Variants in VWF observed in about 807,000 individuals in gnomAD.
VWF encodes von Willebrand factor, also known as Factor VIII related antigen.
A neutral mutation model predicts 308.6 loss-of-function variants in VWF; 176 were observed. That is an observed-to-expected ratio of 0.57 (90% CI 0.50 to 0.65). The LOEUF (loss-of-function observed/expected upper bound fraction) is 0.65. Ranked by LOEUF, VWF falls within the 30% of genes least tolerant of loss-of-function variation. The probability of loss-of-function intolerance (pLI) is 0.00; values close to 1 mark genes in which losing one functional copy is unlikely to be tolerated. For missense variants in VWF, 3,146 were observed against 3,648.2 expected, an observed-to-expected ratio of 0.86 and a Z score of 3.55; for synonymous variants, 1,385 against 1,443.4, an observed-to-expected ratio of 0.96 and a Z score of 0.92.
At chr12:6,083,783 C>T (rs147835897) in intron 6 of VWF, among the ~76,000 whole-genome samples, 1 of 152,274 alleles carries the variant, frequency 6.6e-6, no homozygotes, top group Non-Finnish European at 1.5e-5. Context: ...CTGGGGGCAG[C>T]CATATGACTA....
At chr12:6,082,289 TATG>T (rs1233790072) in intron 6 of VWF, among the ~76,000 whole-genome samples, 1 of 152,230 alleles carries the variant, frequency 6.6e-6, no homozygotes, top group African/African-American at 2.4e-5. Flanking sequence ...TTACATTAAA[TATG>T]ATGAGCTTGT....
intron 47 of VWF, among the ~76,000 whole-genome samples, chr12:5,964,262 A>ACATGCATACATACATGCATACATACATG (rs1555189804): frequency 1.4e-5 from 2 of 141,788 alleles, no homozygotes; most frequent in African/African-American, 5.9e-5. Context: ...ATACATACAT[A>ACATGCATACATACATGCATACATACATG]CATACATACA....
intron 18 of VWF, among the ~76,000 whole-genome samples, chr12:6,038,578 C>T (rs1044980653): frequency 2.6e-5 from 4 of 152,092 alleles, no homozygotes; most frequent in Admixed American, 6.5e-5. Flanking sequence ...CCTCCTCCAG[C>T]GGACAGAACA....
Position 6,072,439 on chromosome 12 carries a change from C to T in VWF, c.1001G>A (p.Gly334Glu), listed in dbSNP as rs932134873. ...GCAGAGGCCTTCATCCAGGAGCTGT[C>T]CCTCTGGGGTCAAGGGCATCAAGAC... Reference protein sequence around the residue: ...RCVDGCSCPEGQLLDEGLCVE... With the variant: ...RCVDGCSCPEEQLLDEGLCVE... The change falls in exon 9 of 52, where the codon GGA becomes GAA. Residue 334 changes from glycine (G) to glutamate (E), a missense_variant. Physicochemically the swap from Gly to Glu is moderately conservative, Grantham distance 98. Around this residue, in one of 3 missense-constraint regions of VWF, gnomAD observed 1,304 missense variants for 1,353.0 expected, o/e 0.96. Transcript: ENST00000261405. 1.2e-5 allele frequency: 19 copies of T among 1,613,792 alleles called. No individual in the cohort carries two copies. The highest frequency in any genetic ancestry group is 1.6e-5 in the Non-Finnish European group (19 of 1,179,914).
intron 5 of VWF, among the ~76,000 whole-genome samples, chr12:6,108,364 C>CACACACACAT (rs1945267796): frequency 1.4e-5 from 2 of 147,420 alleles, no homozygotes; most frequent in Non-Finnish European, 3.0e-5. Context: ...CACACACACA[C>CACACACACAT]ACAAAGCAAA....
intron 17 of VWF, among the ~76,000 whole-genome samples, chr12:6,045,022 G>A (rs1487441698): frequency 6.6e-6 from 1 of 152,130 alleles, no homozygotes; most frequent in East Asian, 1.9e-4. Flanking sequence ...TCCTATATAT[G>A]TTCTTCTCAC....
In VWF at chr12:5,994,556, C is replaced by T; in HGVS notation, c.6115G>A (p.Glu2039Lys). 3 of 1,614,004 alleles carry T rather than the reference C, an allele frequency of 1.9e-6. No homozygotes were observed. Among genetic ancestry groups the T allele is most frequent in the Non-Finnish European group, 2.5e-6 (3 of 1,179,890 alleles). The change falls in exon 36 of 52, where the codon GAA becomes AAA. Residue 2039 changes from glutamate (E) to lysine (K), a missense_variant. By Grantham distance (56) the Glu-to-Lys change is moderately conservative. Around this residue, in one of 3 missense-constraint regions of VWF, gnomAD observed 989 missense variants for 1,117.4 expected, o/e 0.89. Coordinates refer to ENST00000261405, the MANE Select transcript of VWF (RefSeq NM_000552.5). ...VSVPYVGGNM[E>K]VNVYGAIMHE... Reference sequence around the variant, plus strand: ...ATGATGGCACCATAAACGTTGACTTCCATGTTCCCACCCACGTAAGGAACA... The same window carrying T: ...ATGATGGCACCATAAACGTTGACTTTCATGTTCCCACCCACGTAAGGAACA...
intron 22 of VWF, among the ~76,000 whole-genome samples, chr12:6,028,590 G>C (rs190629780): frequency 6.6e-6 from 1 of 151,990 alleles, no homozygotes; most frequent in African/African-American, 2.4e-5. Context: ...CCAGAAGAGA[G>C]GGGGGGACCA....
chr12:6,022,693 T>A, intron 26 of VWF, 47 bp downstream of exon 26: 1 of 355,382 alleles, frequency 2.8e-6, no homozygotes, highest in South Asian at 2.2e-5. Context: ...TTTCCATCCA[T>A]CCCTATCCCA....
Position 5,991,998 on chromosome 12 carries a change from G to C in VWF, c.6619C>G (p.Leu2207Val). ...CCATGCTCACAGTGGTTGTAGACCA[G>C]AGATGGTGGGCATGACATAGCTGTA... ...DFCAMSCPPS[L>V]VYNHCEHGCP... The change falls in exon 38 of 52, where the codon CTG becomes GTG. Residue 2207 changes from leucine to valine, a missense_variant. Leu to Val is a conservative substitution (Grantham distance 32, BLOSUM62 1). Transcript: ENST00000261405. The C allele has an allele frequency of 6.2e-7, 1 of 1,614,196 alleles. No homozygotes were observed. Among genetic ancestry groups the C allele is most frequent in the Non-Finnish European group, 8.5e-7 (1 of 1,180,028 alleles).
At chr12:6,036,939 C>CA (rs200291950) in intron 18 of VWF, among the ~76,000 whole-genome samples, 8 of 150,444 alleles carry the variant, frequency 5.3e-5, no homozygotes, top group South Asian at 4.2e-4. Context: ...TTTATCATTG[C>CA]AAAAAAAAAT....
intron 47 of VWF, among the ~76,000 whole-genome samples, chr12:5,956,295 G>A (rs1172204987): frequency 6.6e-6 from 1 of 152,168 alleles, no homozygotes; most frequent in Non-Finnish European, 1.5e-5. Context: ...AAAGTTAACT[G>A]TAAAACAGCC....
At chr12:6,051,278 CT>C (rs1461852347) in intron 16 of VWF, among the ~76,000 whole-genome samples, 79 of 109,686 alleles carry the variant, frequency 7.2e-4, no homozygotes, top group Admixed American at 2.1e-3. Flanking sequence ...ATCAGGACTT[CT>C]TTTTTTCTTT....
chr12:5,977,211 C>G (rs192017339), intron 42 of VWF, among the ~76,000 whole-genome samples: 2 of 152,162 alleles, frequency 1.3e-5, no homozygotes, highest in Non-Finnish European at 2.9e-5. Flanking sequence ...TATAATTTGA[C>G]CCAGAATCTC....
At chr12:6,068,584 C>T (rs947929412) in intron 10 of VWF, among the ~76,000 whole-genome samples, 7 of 152,098 alleles carry the variant, frequency 4.6e-5, no homozygotes, top group African/African-American at 1.7e-4. Context: ...ATTCTCCTGC[C>T]TCAGCTTCCC....
chr12:5,993,741 G>C, intron 37 of VWF, 121 bp downstream of exon 37: 1 of 847,404 alleles, frequency 1.2e-6, no homozygotes, highest in Non-Finnish European at 1.9e-6. Flanking sequence ...GGAATCCCAG[G>C]TCATACGAAA....
chr12:6,038,401 T>C (rs1230807807), intron 18 of VWF, among the ~76,000 whole-genome samples: 1 of 152,200 alleles, frequency 6.6e-6, no homozygotes, highest in African/African-American at 2.4e-5. Context: ...AGGCTCCCCT[T>C]ACCTCAGCAG....
chr12:6,020,980 A>G lies in VWF; in HGVS notation c.3674+920T>C, dbSNP rs1363040839. 1 of 152,224 alleles carries G rather than the reference A, an allele frequency of 6.6e-6. No homozygotes were observed. Among genetic ancestry groups the G allele is most frequent in the African/African-American group, 2.4e-5 (1 of 41,418 alleles). 9.4% of individuals were successfully genotyped at this position (152,224 alleles called of 1,614,324 possible). On this transcript the variant is annotated intron_variant, in intron 27 of 51. Transcript: ENST00000261405. This position sits in a 1 kb window ranked among gnomAD's most constrained non-coding sequence, Gnocchi z 4.3. The stretch of plus-strand genomic sequence containing the variant: ...CTTTGCTCCCTACAGTCTCTGTTTC[A>G]GCATAAAGAGTGTGCGCAGGTAGAG...
intron 34 of VWF, among the ~76,000 whole-genome samples, chr12:6,005,297 A>G (rs944224653): frequency 6.6e-6 from 1 of 152,208 alleles, no homozygotes; most frequent in African/African-American, 2.4e-5. Context: ...AAGTTCAGAA[A>G]TAAGCCCATG....
Sources: allele counts gnomAD v4.1 joint callset (sites outside exome capture counted in the v4.1 genomes callset), GRCh38; gene constraint gnomAD v4.1.1; regional missense constraint gnomAD v4.1.1; non-coding constraint Gnocchi (gnomAD v3.1); transcripts MANE v1.5; gene names NCBI Gene and HGNC (gene_info 2026-07-23, HGNC 2026-07-21).